ACADM: variants seen among roughly 807,000 people sequenced by gnomAD.
ACADM encodes the protein medium-chain specific acyl-CoA dehydrogenase, mitochondrial.
A neutral mutation model predicts 58.9 loss-of-function variants in ACADM; 49 were observed. The ratio of observed to expected loss-of-function variants is 0.83; its 90% CI spans 0.66 to 1.06. ACADM has a LOEUF of 1.06. Among genes scored for constraint, ACADM ranks in the 50% least tolerant of loss-of-function variants. ACADM has a pLI of 0.00. For missense variants in ACADM, 496 were observed against 507.0 expected, an observed-to-expected ratio of 0.98 and a Z score of 0.21; for synonymous variants, 160 against 157.7, an observed-to-expected ratio of 1.01 and a Z score of -0.11.
At chr1:75,733,486 G>A (rs199781228) in intron 4 of ACADM, 42 bp from the exon 5 acceptor site, 16 of 1,497,092 alleles carry the variant, frequency 1.1e-5, no homozygotes, top group Middle Eastern at 1.7e-4. Flanking sequence ...CTATTGTGAT[G>A]TACTACATAT....
intron 4 of ACADM, chr1:75,733,165 A>G (rs768529713): frequency 6.2e-7 from 1 of 1,612,444 alleles, no homozygotes; most frequent in East Asian, 2.2e-5. Flanking sequence ...TTCCGTTTCT[A>G]GAGTTGGTCA....
intron 10 of ACADM, chr1:75,755,127 G>A (rs1477518011): frequency 6.6e-6 from 1 of 152,416 alleles, no homozygotes; most frequent in African/African-American, 2.4e-5. Context: ...CGAACTGGGT[G>A]GAGCCCACTG....
At chr1:75,759,907 C>T (rs960019089) in intron 10 of ACADM, among the ~76,000 whole-genome samples, 1 of 151,840 alleles carries the variant, frequency 6.6e-6, no homozygotes, top group Non-Finnish European at 1.5e-5. Context: ...GTGATCTGCC[C>T]GCCTCGGCCT....
intron 1 of ACADM, among the ~76,000 whole-genome samples, chr1:75,728,106 C>T (rs1180757150): frequency 6.6e-6 from 1 of 152,142 alleles, no homozygotes; most frequent in Non-Finnish European, 1.5e-5. Flanking sequence ...GAATAGTGGT[C>T]CTACATCTAC....
Position 75,762,981 on chromosome 1 carries a change from C to A in ACADM, c.*218C>A. The A allele has an allele frequency of 2.6e-6, 1 of 384,230 alleles. No individual in the cohort carries two copies. 23.8% of individuals were successfully genotyped at this position (384,230 alleles called of 1,614,324 possible). ...AAATGATGTGTTTTCTTTAGTACCA[C>A]TTTACTTGAATTACATTAACCTAGA... On this transcript the variant is annotated 3_prime_UTR_variant, in exon 12 of 12. Transcript: ENST00000370841.
intron 6 of ACADM, among the ~76,000 whole-genome samples, chr1:75,735,999 A>C (rs1647249661): frequency 6.6e-6 from 1 of 152,162 alleles, no homozygotes; most frequent in Non-Finnish European, 1.5e-5. Context: ...AAATAAATAA[A>C]TGAATAAATA....
At chr1:75,729,570 T>C (rs949887713) in intron 2 of ACADM, among the ~76,000 whole-genome samples, 3 of 151,180 alleles carry the variant, frequency 2.0e-5, no homozygotes, top group Non-Finnish European at 2.9e-5. Context: ...AGTGGCTCAC[T>C]GCAACCTCTA....
At chr1:75,760,031 G>A (rs1022233252) in intron 10 of ACADM, among the ~76,000 whole-genome samples, 1 of 151,840 alleles carries the variant, frequency 6.6e-6, no homozygotes, top group African/African-American at 2.4e-5. Flanking sequence ...TAGCATTTTG[G>A]GAGGCCGAGG....
At chr1:75,749,328 G>A in intron 8 of ACADM, 91 bp from the exon 9 acceptor site, 1 of 1,337,442 alleles carries the variant, frequency 7.5e-7, no homozygotes, top group Non-Finnish European at 1.1e-6. Flanking sequence ...CCTGTTTTAG[G>A]TAATTGCAGA....
rs1647701906 is a variant in ACADM at position 75,743,518 on chromosome 1, G to A, written c.600-2288G>A. The A allele has an allele frequency of 9.3e-6, 15 of 1,608,354 alleles. No homozygotes were observed. The South Asian group carries it at 1.5e-4, about 17-fold the overall frequency. ...GCCATCAATCAGCCGGTGATCATAGGTCAGTGCCACGTACATCATGGGCTG... is the reference window on the plus strand; with the variant it reads ...GCCATCAATCAGCCGGTGATCATAGATCAGTGCCACGTACATCATGGGCTG... On this transcript the variant is annotated intron_variant, in intron 7 of 11. Coordinates refer to ENST00000370841, the MANE Select transcript of ACADM (RefSeq NM_000016.6).
intron 2 of ACADM, among the ~76,000 whole-genome samples, chr1:75,732,133 C>T (rs923509974): frequency 1.6e-4 from 23 of 146,792 alleles, no homozygotes; most frequent in Admixed American, 1.3e-3. Context: ...GCCTGAGTGA[C>T]AAAATGAGAC....
intron 2 of ACADM, 161 bp from the exon 3 acceptor site, chr1:75,732,483 G>T (rs1570860859): frequency 1.5e-6 from 1 of 667,390 alleles, no homozygotes; most frequent in Non-Finnish European, 2.7e-6. Flanking sequence ...TATTTATATT[G>T]TGTAGTGAAC....
chr1:75,744,446 T>G, intron 7 of ACADM: 1 of 1,526,170 alleles, frequency 6.6e-7, no homozygotes, highest in Admixed American at 1.7e-5. Context: ...TGCACCAATG[T>G]CTTGTCAGTT....
chr1:75,762,488 ATAACT>A (rs1158310643), intron 11 of ACADM, among the ~76,000 whole-genome samples, 199 bp from the exon 12 acceptor site: 4 of 152,132 alleles, frequency 2.6e-5, no homozygotes, highest in Admixed American at 6.5e-5. Context: ...GCTTTTTATA[ATAACT>A]TAACCAATCT....
chr1:75,762,543 T>G, intron 11 of ACADM, 149 bp from the exon 12 acceptor site: 2 of 434,118 alleles, frequency 4.6e-6, no homozygotes, highest in South Asian at 1.2e-4. Context: ...CAAAATCAGG[T>G]TTTGGAATCT....
intron 6 of ACADM, among the ~76,000 whole-genome samples, chr1:75,737,288 A>ATATATATG (rs1276275621): frequency 6.8e-5 from 5 of 73,194 alleles, no homozygotes; most frequent in African/African-American, 3.2e-4. Flanking sequence ...AAATATATAT[A>ATATATATG]TATATATATA....
At chr1:75,725,815 C>T (rs1233329421) in intron 1 of ACADM, among the ~76,000 whole-genome samples, 2 of 152,142 alleles carry the variant, frequency 1.3e-5, no homozygotes, top group Admixed American at 1.3e-4. Context: ...TCCGAAAATA[C>T]GCAGTGAGAT....
intron 8 of ACADM, among the ~76,000 whole-genome samples, chr1:75,749,012 AATAG>A (rs1049178458): frequency 9.5e-4 from 145 of 152,342 alleles, no homozygotes; most frequent in African/African-American, 3.1e-3. Flanking sequence ...GACATGGTAA[AATAG>A]ATAGCTTTCA....
chr1:75,748,416 A>G (rs181868676), intron 8 of ACADM, among the ~76,000 whole-genome samples: 9 of 152,338 alleles, frequency 5.9e-5, no homozygotes, highest in Non-Finnish European at 7.3e-5. Flanking sequence ...AGAAATGAAA[A>G]TAAAGACCTA....
Sources: allele counts gnomAD v4.1 joint callset (sites outside exome capture counted in the v4.1 genomes callset), GRCh38; gene constraint gnomAD v4.1.1; transcripts MANE v1.5; gene names NCBI Gene and HGNC (gene_info 2026-07-23, HGNC 2026-07-21).